Variants in LHFPL3 observed in about 807,000 individuals in gnomAD.
The protein encoded by LHFPL3 is LHFPL tetraspan subfamily member 3.
Under a neutral mutation model 19.3 loss-of-function variants are expected in LHFPL3, and 5 were observed. The observed-to-expected ratio is 0.26, with a 90% CI of 0.14 to 0.54. LHFPL3 has a LOEUF of 0.54. Ranked by LOEUF, LHFPL3 falls within the 20% of genes least tolerant of loss-of-function variation. The probability of loss-of-function intolerance (pLI) is 0.94; values close to 1 mark genes in which losing one functional copy is unlikely to be tolerated. For missense variants in LHFPL3, 249 were observed against 307.4 expected (o/e 0.81, Z 1.42); for synonymous variants, 133 against 126.2 (o/e 1.05, Z -0.36).
At chr7:104,364,023 G>C (rs770481555) in intron 1 of LHFPL3, among the ~76,000 whole-genome samples, 3 of 152,186 alleles carry the variant, frequency 2.0e-5, no homozygotes, top group Non-Finnish European at 1.5e-5. Flanking sequence ...ATAAACAAGT[G>C]CTGCAGCTGA....
At chr7:104,426,900 T>C (rs983306976) in intron 1 of LHFPL3, among the ~76,000 whole-genome samples, 9 of 152,138 alleles carry the variant, frequency 5.9e-5, no homozygotes, top group African/African-American at 2.2e-4. Context: ...AGAGGAGAAA[T>C]TGTGTTTTAT....
intron 1 of LHFPL3, among the ~76,000 whole-genome samples, chr7:104,627,754 C>T (rs1043585203): frequency 6.6e-6 from 1 of 152,176 alleles, no homozygotes; most frequent in Non-Finnish European, 1.5e-5. Context: ...GTTCCTTGCA[C>T]ACTGTAGCTG....
At chr7:104,752,776 C>T (rs555643501) in intron 2 of LHFPL3, 10 of 395,694 alleles carry the variant, frequency 2.5e-5, no homozygotes, top group South Asian at 1.3e-4. Context: ...TGACCACGCT[C>T]GAGTGTACCT....
At chr7:104,660,631 A>G (rs966382627) in intron 1 of LHFPL3, among the ~76,000 whole-genome samples, 4 of 152,196 alleles carry the variant, frequency 2.6e-5, no homozygotes, top group African/African-American at 9.6e-5. Flanking sequence ...TCTACTGTGT[A>G]TAGAGGCATA....
At chr7:104,712,078 C>A (rs910521632) in intron 1 of LHFPL3, among the ~76,000 whole-genome samples, 3 of 152,148 alleles carry the variant, frequency 2.0e-5, no homozygotes, top group Non-Finnish European at 2.9e-5. Flanking sequence ...AATCAACTGA[C>A]CTTATGATGA....
intron 1 of LHFPL3, among the ~76,000 whole-genome samples, chr7:104,587,561 A>G (rs1438026656): frequency 1.3e-5 from 2 of 152,236 alleles, no homozygotes; most frequent in African/African-American, 4.8e-5. Context: ...GCTATTATGA[A>G]TAGTGCCACA....
intron 1 of LHFPL3, among the ~76,000 whole-genome samples, chr7:104,629,763 C>G (rs1046334275): frequency 6.6e-6 from 1 of 152,172 alleles, no homozygotes; most frequent in African/African-American, 2.4e-5. Context: ...GGCCCTTAAA[C>G]ATGGCCCTGG....
chr7:104,385,625 C>T (rs1790924915), intron 1 of LHFPL3, among the ~76,000 whole-genome samples: 2 of 152,116 alleles, frequency 1.3e-5, no homozygotes, highest in Non-Finnish European at 2.9e-5. Context: ...CTTGTGCATG[C>T]ATTCACTCAG....
chr7:104,584,979 A>G (rs1435756445), intron 1 of LHFPL3, among the ~76,000 whole-genome samples: 1 of 152,206 alleles, frequency 6.6e-6, no homozygotes, highest in Non-Finnish European at 1.5e-5. Context: ...TTTATACTGA[A>G]GCCTCATACA....
intron 1 of LHFPL3, among the ~76,000 whole-genome samples, chr7:104,633,024 C>A (rs138287475): frequency 1.3e-5 from 2 of 152,062 alleles, no homozygotes; most frequent in African/African-American, 4.8e-5. Context: ...TCTCAGAATA[C>A]GTGGTTTTTT....
intron 1 of LHFPL3, among the ~76,000 whole-genome samples, chr7:104,443,379 G>A (rs1378916547): frequency 6.6e-6 from 1 of 152,170 alleles, no homozygotes; most frequent in Non-Finnish European, 1.5e-5. Flanking sequence ...ATGGATGTTT[G>A]GCCTTTAGGG....
At chr7:104,642,238 A>C (rs937246784) in intron 1 of LHFPL3, among the ~76,000 whole-genome samples, 1 of 151,906 alleles carries the variant, frequency 6.6e-6, no homozygotes, top group African/African-American at 2.4e-5. Flanking sequence ...GGGTTTCAGC[A>C]TCTTGGCCAG....
intron 2 of LHFPL3, among the ~76,000 whole-genome samples, chr7:104,818,387 T>TAA (rs74273539): frequency 1.4e-4 from 19 of 131,356 alleles, no homozygotes; most frequent in Non-Finnish European, 2.3e-4. Flanking sequence ...CTTCTCTCAT[T>TAA]AAAAAAAAAA....
intron 1 of LHFPL3, among the ~76,000 whole-genome samples, chr7:104,456,935 G>T (rs78590898): frequency 6.6e-6 from 1 of 152,092 alleles, no homozygotes; most frequent in African/African-American, 2.4e-5. Flanking sequence ...TTGGACCGTA[G>T]TTGACTGCAG....
At position 104,522,912 on chromosome 7, in the gene LHFPL3, G is replaced by A. The variant is rs1258031177; in HGVS notation, c.445+193688G>A. 3.9e-5 allele frequency among the ~76,000 whole-genome samples: 6 copies of A among 152,150 alleles called. No individual in the cohort carries two copies. In the East Asian group the frequency reaches 7.7e-4, roughly 20 times the overall value. ...TAAGAGGTAGACCAGGCTGCTTAGC[G>A]GCAGTGAGTTTGTGGAAGTAACAGG... On this transcript the variant is annotated intron_variant, in intron 1 of 2. Transcript: ENST00000424859.
chr7:104,337,119 T>G (rs943671502), intron 1 of LHFPL3, among the ~76,000 whole-genome samples: 4 of 151,778 alleles, frequency 2.6e-5, no homozygotes, highest in African/African-American at 4.8e-5. Flanking sequence ...AAGAGTGAGG[T>G]GCTGCAAAAT....
chr7:104,413,297 C>T (rs965948998), intron 1 of LHFPL3, among the ~76,000 whole-genome samples: 12 of 152,180 alleles, frequency 7.9e-5, no homozygotes, highest in Non-Finnish European at 1.3e-4. Context: ...ATATGCCATT[C>T]TCACGGTGTC....
chr7:104,581,990 G>T (rs962029884), intron 1 of LHFPL3, among the ~76,000 whole-genome samples: 3 of 151,812 alleles, frequency 2.0e-5, no homozygotes, highest in Admixed American at 1.3e-4. Flanking sequence ...TTAAAAATAA[G>T]TTTGTTCATT....
intron 2 of LHFPL3, among the ~76,000 whole-genome samples, chr7:104,872,874 T>C (rs893676667): frequency 2.0e-4 from 31 of 152,188 alleles, no homozygotes; most frequent in African/African-American, 6.8e-4. Flanking sequence ...AAACAATAAA[T>C]ACCTAAACCA....
Sources: allele counts gnomAD v4.1 joint callset (sites outside exome capture counted in the v4.1 genomes callset), GRCh38; gene constraint gnomAD v4.1.1; transcripts MANE v1.5; gene names NCBI Gene and HGNC (gene_info 2026-07-23, HGNC 2026-07-21).